CLVS1: variants seen among roughly 807,000 people sequenced by gnomAD.
CLVS1 encodes clavesin 1.
A neutral mutation model predicts 33.1 loss-of-function variants in CLVS1; 10 were observed. That is an observed-to-expected ratio of 0.30 (90% CI 0.19 to 0.51). The LOEUF (loss-of-function observed/expected upper bound fraction) is 0.51. CLVS1 is among the 20% of genes least tolerant of loss of function. The probability of loss-of-function intolerance (pLI) is 0.97; values close to 1 mark genes in which losing one functional copy is unlikely to be tolerated. For synonymous variants in CLVS1, 163 were observed against 166.1 expected, an observed-to-expected ratio of 0.98 and a Z score of 0.14; for missense variants, 343 against 433.4, an observed-to-expected ratio of 0.79 and a Z score of 1.85.
chr8:61,331,986 C>T (rs924737341), intron 2 of CLVS1, among the ~76,000 whole-genome samples: 2 of 152,116 alleles, frequency 1.3e-5, no homozygotes, highest in African/African-American at 2.4e-5. Context: ...AAGTTCTGTC[C>T]GCATGTGAGG....
the CLVS1 span, chr8:60,966,650 T>C: frequency 4.4e-6 from 1 of 228,046 alleles, no homozygotes; most frequent in Non-Finnish European, 9.0e-6. Context: ...ATAGAGAAAA[T>C]GTGGTGGGAG....
intron 2 of CLVS1, among the ~76,000 whole-genome samples, chr8:61,133,769 C>G (rs1158928983): frequency 6.6e-6 from 1 of 152,114 alleles, no homozygotes; most frequent in East Asian, 1.9e-4. Context: ...GATGAAGGCA[C>G]TGGCCCTGGG....
At chr8:61,179,452 G>A (rs1382065123) in intron 2 of CLVS1, among the ~76,000 whole-genome samples, 6 of 152,128 alleles carry the variant, frequency 3.9e-5, no homozygotes, top group Non-Finnish European at 8.8e-5. Flanking sequence ...AAGTTAACAA[G>A]GATATTCAGG....
intron 3 of CLVS1, among the ~76,000 whole-genome samples, chr8:61,413,239 C>G (rs1295065157): frequency 6.6e-6 from 1 of 152,278 alleles, no homozygotes; most frequent in South Asian, 2.1e-4. Context: ...TTATGGGCAA[C>G]TCATATGCTA....
chr8:61,192,840 G>C (rs977364480), intron 2 of CLVS1, among the ~76,000 whole-genome samples: 2 of 149,814 alleles, frequency 1.3e-5, no homozygotes, highest in African/African-American at 2.5e-5. Context: ...ACACCAGTTA[G>C]AATGGCGATC....
chr8:61,381,224 A>G (rs6471948), intron 3 of CLVS1, among the ~76,000 whole-genome samples: 1,698 of 151,782 alleles, frequency 0.011, 39 homozygotes, highest in African/African-American at 0.038. Flanking sequence ...TTCTTCCAAC[A>G]GTTTTGAGCC....
chr8:61,104,791 A>G (rs1805504915), intron 1 of CLVS1, among the ~76,000 whole-genome samples: 1 of 152,176 alleles, frequency 6.6e-6, no homozygotes, highest in African/African-American at 2.4e-5. Context: ...AGCTGGGACT[A>G]CACTGTGTAC....
intron 2 of CLVS1, among the ~76,000 whole-genome samples, chr8:61,258,519 G>C (rs1323336652): frequency 6.6e-6 from 1 of 152,066 alleles, no homozygotes; most frequent in Non-Finnish European, 1.5e-5. Flanking sequence ...GTGGAGGGAG[G>C]GGACCAGGAG....
the CLVS1 span, among the ~76,000 whole-genome samples, chr8:60,981,145 T>C: frequency 1.3e-5 from 2 of 152,182 alleles, no homozygotes; most frequent in African/African-American, 4.8e-5. Flanking sequence ...AAGTTTGTAG[T>C]AATAGTTGCA....
chr8:60,985,539 C>T, the CLVS1 span, among the ~76,000 whole-genome samples: 3 of 152,326 alleles, frequency 2.0e-5, no homozygotes, highest in Non-Finnish European at 2.9e-5. Context: ...TGGCTCCACA[C>T]TACGCTCGTT....
At chr8:61,025,899 A>T in the CLVS1 span, among the ~76,000 whole-genome samples, 2 of 152,294 alleles carry the variant, frequency 1.3e-5, no homozygotes, top group South Asian at 4.1e-4. Context: ...AGCATTCCCA[A>T]ACTTAATCCT....
intron 2 of CLVS1, among the ~76,000 whole-genome samples, chr8:61,319,208 A>T (rs1305863536): frequency 6.6e-6 from 1 of 152,094 alleles, no homozygotes; most frequent in African/African-American, 2.4e-5. Context: ...TCTTCTACAG[A>T]GTCTCTAAGT....
intron 2 of CLVS1, among the ~76,000 whole-genome samples, chr8:61,169,533 G>T (rs1320515663): frequency 6.6e-6 from 1 of 152,152 alleles, no homozygotes; most frequent in African/African-American, 2.4e-5. Context: ...TCCAAAAAAT[G>T]ACCTGAGAGA....
intron 2 of CLVS1, among the ~76,000 whole-genome samples, chr8:61,151,961 T>G (rs1168211874): frequency 6.6e-6 from 1 of 152,138 alleles, no homozygotes; most frequent in Non-Finnish European, 1.5e-5. Context: ...CCTTTGCTCT[T>G]CTCTCCACCT....
chr8:61,037,698 A>C, the CLVS1 span, among the ~76,000 whole-genome samples: 132,593 of 152,220 alleles, frequency 0.87, 58,056 homozygotes, highest in African/African-American at 0.96. Context: ...TTATAGAGAC[A>C]CCCTTTACTA....
intron 2 of CLVS1, among the ~76,000 whole-genome samples, chr8:61,337,913 T>C (rs1811863687): frequency 6.6e-6 from 1 of 152,132 alleles, no homozygotes; most frequent in Non-Finnish European, 1.5e-5. Flanking sequence ...AAAACAAAGA[T>C]TACAGAAAGT....
rs915380459 is a variant in CLVS1, at chr8:61,162,193, C to T, written c.-152+30333C>T. On this transcript the variant is annotated intron_variant, in intron 2 of 2. Coordinates refer to the CLVS1 transcript ENST00000522621. ...TACCCTTCAAAATTGCCTATATTCC[C>T]CTCATTTTCTTCTCCCCTATGAAGA... is the stretch of plus-strand genomic sequence containing the variant. Among the ~76,000 whole-genome samples, 24 of 152,162 alleles carry T rather than the reference C, an allele frequency of 1.6e-4. No homozygotes were observed. In the East Asian group the frequency reaches 4.4e-3, roughly 28 times the overall value.
At chr8:61,112,511 A>G (rs1177408157) in intron 1 of CLVS1, among the ~76,000 whole-genome samples, 7 of 152,254 alleles carry the variant, frequency 4.6e-5, no homozygotes, top group African/African-American at 9.6e-5. Context: ...GAATAATTCA[A>G]TAGGCAGCGA....
At chr8:61,070,299 C>A (rs1391382825) in intron 1 of CLVS1, among the ~76,000 whole-genome samples, 1 of 152,184 alleles carries the variant, frequency 6.6e-6, no homozygotes, top group Non-Finnish European at 1.5e-5. Flanking sequence ...ATCCTCAGGG[C>A]CTTCTAGAAC....
Sources: allele counts gnomAD v4.1 joint callset (sites outside exome capture counted in the v4.1 genomes callset), GRCh38; gene constraint gnomAD v4.1.1; transcripts MANE v1.5; gene names NCBI Gene and HGNC (gene_info 2026-07-23, HGNC 2026-07-21).